STAU2: variants seen among roughly 807,000 people sequenced by gnomAD.
The protein encoded by STAU2 is staufen double-stranded RNA binding protein 2.
STAU2 carries 20 observed loss-of-function variants against 65.9 expected under a neutral mutation model. The ratio of observed to expected loss-of-function variants is 0.30; its 90% CI spans 0.21 to 0.44. The LOEUF is 0.44. Ranked by LOEUF, STAU2 falls within the 20% of genes least tolerant of loss-of-function variation. The pLI is 1.00. For missense variants in STAU2, 558 were observed against 683.9 expected (o/e 0.82, Z 2.05); for synonymous variants, 232 against 233.9 (o/e 0.99, Z 0.07).
chr8:73,730,721 C>T (rs1805988740), intron 3 of STAU2, among the ~76,000 whole-genome samples: 1 of 115,990 alleles, frequency 8.6e-6, no homozygotes, highest in Non-Finnish European at 1.7e-5. Context: ...AGCAAGACTA[C>T]GTCTTTCAAA....
At chr8:73,693,567 C>A (rs1490545756) in intron 4 of STAU2, among the ~76,000 whole-genome samples, 2 of 151,676 alleles carry the variant, frequency 1.3e-5, no homozygotes, top group African/African-American at 4.8e-5. Flanking sequence ...CCCATTCAAA[C>A]TACCATTCTT....
intron 3 of STAU2, among the ~76,000 whole-genome samples, chr8:73,712,002 C>T (rs1326536009): frequency 6.6e-6 from 1 of 152,164 alleles, no homozygotes; most frequent in Non-Finnish European, 1.5e-5. Context: ...CTCAGTAATA[C>T]AGCAATAACT....
rs1021895140 is a variant in STAU2 at position 73,702,835 on chromosome 8, A to G, written c.114+6197T>C. The stretch of plus-strand genomic sequence containing the variant: ...TACGGAAGTGCAAACTGAAACCACA[A>G]TGAGATTCCACCACATACCTATTAG... On this transcript the variant is annotated intron_variant, in intron 4 of 14. Transcript: ENST00000524300. Among the ~76,000 whole-genome samples the G allele has an allele frequency of 2.6e-5, 4 of 152,308 alleles. No individual in the cohort carries two copies. The East Asian group carries it at 5.8e-4, about 22-fold the overall frequency.
intron 13 of STAU2, among the ~76,000 whole-genome samples, chr8:73,492,769 T>C (rs561149739): frequency 6.6e-6 from 1 of 152,000 alleles, no homozygotes; most frequent in Admixed American, 6.6e-5. Flanking sequence ...CCAACATTCC[T>C]ACCTATAGAA....
At chr8:73,612,058 C>A (rs1812514482) in intron 9 of STAU2, among the ~76,000 whole-genome samples, 1 of 152,138 alleles carries the variant, frequency 6.6e-6, no homozygotes, top group Non-Finnish European at 1.5e-5. Context: ...GTTATGTGAC[C>A]AGTTTTGTGC....
chr8:73,709,297 C>T, intron 3 of STAU2, 135 bp from the exon 4 acceptor site: 1 of 756,790 alleles, frequency 1.3e-6, no homozygotes, highest in Non-Finnish European at 2.0e-6. Context: ...ATTCAAATTA[C>T]CTAATGTCTT....
rs201599585 is a variant in STAU2 at position 73,724,635 on chromosome 8, G to A, written c.-18+13649C>T. On this transcript the variant is annotated intron_variant, in intron 3 of 14. Coordinates refer to ENST00000524300, the MANE Select transcript of STAU2 (RefSeq NM_001164380.2). Reference sequence around the variant, plus strand: ...GCACATTTAAGGTAGGCTAGGCTAAGCTATGATGTTCAGTAGGTTGTGTGT... The same window carrying A: ...GCACATTTAAGGTAGGCTAGGCTAAACTATGATGTTCAGTAGGTTGTGTGT... 1.1e-4 allele frequency among the ~76,000 whole-genome samples: 17 copies of A among 149,514 alleles called. No homozygotes were observed. The East Asian group carries it at 2.8e-3, about 24-fold the overall frequency.
chr8:73,690,435 A>C (rs375675585), intron 4 of STAU2, among the ~76,000 whole-genome samples: 1 of 152,134 alleles, frequency 6.6e-6, no homozygotes, highest in African/African-American at 2.4e-5. Context: ...AAAGCTGTAA[A>C]GGACATTCAG....
intron 13 of STAU2, among the ~76,000 whole-genome samples, chr8:73,523,196 C>CAAAAAAAAA (rs763732188): frequency 2.8e-4 from 22 of 78,620 alleles, no homozygotes; most frequent in South Asian, 4.7e-4. Flanking sequence ...ACTTTGTCTC[C>CAAAAAAAAA]AAAAAAAAAA....
intron 12 of STAU2, among the ~76,000 whole-genome samples, chr8:73,575,586 C>G (rs550652605): frequency 1.3e-5 from 2 of 152,136 alleles, no homozygotes; most frequent in East Asian, 1.9e-4. Flanking sequence ...ATCTAAATAT[C>G]CATCTGTGAA....
intron 6 of STAU2, among the ~76,000 whole-genome samples, chr8:73,663,734 G>A (rs1817016253): frequency 6.6e-6 from 1 of 150,822 alleles, no homozygotes; most frequent in African/African-American, 2.4e-5. Flanking sequence ...TCTTTAATTT[G>A]AGCAGTATTT....
At chr8:73,598,389 G>A (rs1050829658) in intron 10 of STAU2, among the ~76,000 whole-genome samples, 2 of 151,884 alleles carry the variant, frequency 1.3e-5, no homozygotes, top group Middle Eastern at 3.2e-3. Context: ...CACCATGCCC[G>A]GCTAATTTTT....
chr8:73,587,884 C>T (rs1229597924), intron 11 of STAU2, among the ~76,000 whole-genome samples: 1 of 152,036 alleles, frequency 6.6e-6, no homozygotes, highest in East Asian at 1.9e-4. Flanking sequence ...AGTTTTTATA[C>T]TATTAATCTT....
chr8:73,554,963 C>T (rs1283154020), intron 12 of STAU2, among the ~76,000 whole-genome samples: 1 of 152,212 alleles, frequency 6.6e-6, no homozygotes, highest in Non-Finnish European at 1.5e-5. Flanking sequence ...TTCGGTTACA[C>T]ACATGCACAT....
rs544631521 is a variant in STAU2, at chr8:73,697,505, G to A, written c.115-8692C>T. 4.6e-5 allele frequency: 7 copies of A among 152,204 alleles called. No individual in the cohort carries two copies. The East Asian group carries it at 5.8e-4, about 13-fold the overall frequency. 9.4% of individuals were successfully genotyped at this position (152,204 alleles called of 1,614,324 possible). Reference sequence around the variant, plus strand: ...TGAAGGTACAAAATGCACTGGTAACGGTAAGCATACAGAAAAATACAGAAG... The same window carrying A: ...TGAAGGTACAAAATGCACTGGTAACAGTAAGCATACAGAAAAATACAGAAG... On this transcript the variant is annotated intron_variant, in intron 4 of 14. Transcript: ENST00000524300.
At position 73,702,073 on chromosome 8, in the gene STAU2, G is replaced by A. The variant is rs576327492; in HGVS notation, c.114+6959C>T. Among the ~76,000 whole-genome samples, 143 of 152,244 alleles carry A rather than the reference G, an allele frequency of 9.4e-4. No homozygotes were observed. The Middle Eastern group carries it at 0.017, about 18-fold the overall frequency. On this transcript the variant is annotated intron_variant, in intron 4 of 14. Transcript: ENST00000524300. Reference sequence around the variant, plus strand: ...AGAGAATAGAAGGATGGTTACTAGAGATTGGGAAAGGTAGCAGGAAGGTTG... The same window carrying A: ...AGAGAATAGAAGGATGGTTACTAGAAATTGGGAAAGGTAGCAGGAAGGTTG...
At chr8:73,527,541 C>G (rs1387047717) in intron 13 of STAU2, 2 of 458,740 alleles carry the variant, frequency 4.4e-6, no homozygotes, top group Non-Finnish European at 7.6e-6. Context: ...CCAACACAAA[C>G]AATTTTGATT....
At chr8:73,614,411 CCT>C (rs1466903722) in intron 8 of STAU2, among the ~76,000 whole-genome samples, 1 of 152,036 alleles carries the variant, frequency 6.6e-6, no homozygotes. Context: ...CCTGTGGAAG[CCT>C]CTCAAAAACA....
intron 6 of STAU2, among the ~76,000 whole-genome samples, chr8:73,633,584 C>T (rs1360799820): frequency 4.6e-5 from 7 of 152,102 alleles, no homozygotes; most frequent in Admixed American, 2.0e-4. Context: ...GACCTTGAGG[C>T]GGCTACAAGA....
Sources: allele counts gnomAD v4.1 joint callset (sites outside exome capture counted in the v4.1 genomes callset), GRCh38; gene constraint gnomAD v4.1.1; transcripts MANE v1.5; gene names NCBI Gene and HGNC (gene_info 2026-07-23, HGNC 2026-07-21).